The following CACNB2 variants were observed in gnomAD, a reference collection of about 807,000 sequenced individuals.
CACNB2 encodes voltage-dependent L-type calcium channel subunit beta-2.
In CACNB2, 42 loss-of-function variants were observed where a neutral mutation model predicts 73.3. That is an observed-to-expected ratio of 0.57 (90% CI 0.45 to 0.74). CACNB2 has a LOEUF of 0.74. CACNB2 is among the 30% of genes least tolerant of loss of function. The pLI is 0.00. For synonymous variants in CACNB2, 348 were observed against 310.3 expected (o/e 1.12, Z -1.28); for missense variants, 940 against 853.0 (o/e 1.10, Z -1.27).
At chr10:18,422,716 G>A (rs1482390967) in intron 3 of CACNB2, among the ~76,000 whole-genome samples, 1 of 152,012 alleles carries the variant, frequency 6.6e-6, no homozygotes, top group Non-Finnish European at 1.5e-5. Flanking sequence ...TTTTTAAGAT[G>A]GAGTTTCATT....
At chr10:18,531,246 A>G (rs2052995506) in intron 10 of CACNB2, among the ~76,000 whole-genome samples, 1 of 152,080 alleles carries the variant, frequency 6.6e-6, no homozygotes, top group Non-Finnish European at 1.5e-5. Context: ...AAATAAGTTA[A>G]CTTCTGTTTT....
chr10:18,391,700 A>T (rs543200618), intron 2 of CACNB2, among the ~76,000 whole-genome samples: 1 of 152,042 alleles, frequency 6.6e-6, no homozygotes, highest in Admixed American at 6.6e-5. Flanking sequence ...GCCGAGGCAC[A>T]TGGATCTCTT....
At chr10:18,528,828 A>C (rs1385604534) in intron 10 of CACNB2, among the ~76,000 whole-genome samples, 2 of 152,192 alleles carry the variant, frequency 1.3e-5, no homozygotes, top group Non-Finnish European at 2.9e-5. Context: ...TTTGATGCTC[A>C]CAAGAATTAC....
chr10:18,141,294 C>T lies in CACNB2; in HGVS notation c.120+438C>T, dbSNP rs557488231. On this transcript the variant is annotated intron_variant, in intron 1 of 13. Coordinates refer to ENST00000324631, the MANE Select transcript of CACNB2 (RefSeq NM_201596.3). ...CCGACTCTCCTGGCCACGCTCCGAG[C>T]CGGGGTGGGCGTGGGTGTGAGGATG... 455 of 1,249,162 alleles carry T rather than the reference C, an allele frequency of 3.6e-4. 1 individual carries two copies. In the African/African-American group the frequency reaches 6.5e-3, roughly 18 times the overall value. The allele number at this position is 1,249,162 out of a possible 1,614,324, so 77.4% of individuals were successfully genotyped here.
chr10:18,438,763 T>G (rs938132811), intron 3 of CACNB2, among the ~76,000 whole-genome samples: 1 of 152,252 alleles, frequency 6.6e-6, no homozygotes, highest in Non-Finnish European at 1.5e-5. Context: ...TCCCTGGGCC[T>G]TATGGAGTAT....
At chr10:18,447,519 C>A (rs893302514) in intron 3 of CACNB2, among the ~76,000 whole-genome samples, 1 of 152,144 alleles carries the variant, frequency 6.6e-6, no homozygotes, top group African/African-American at 2.4e-5. Context: ...AAGGAGAATT[C>A]GGATCTTGCA....
chr10:18,509,325 C>T (rs1244413748), intron 6 of CACNB2, among the ~76,000 whole-genome samples: 1 of 152,102 alleles, frequency 6.6e-6, no homozygotes, highest in Non-Finnish European at 1.5e-5. Flanking sequence ...TAAGTATCTG[C>T]CTAAAGTATA....
chr10:18,362,689 C>G (rs1253866442), intron 2 of CACNB2, among the ~76,000 whole-genome samples: 2 of 152,112 alleles, frequency 1.3e-5, no homozygotes, highest in African/African-American at 2.4e-5. Context: ...GCCTGTAATT[C>G]CAGCACTTCG....
intron 2 of CACNB2, among the ~76,000 whole-genome samples, chr10:18,359,314 C>T (rs1368280414): frequency 6.6e-6 from 1 of 152,152 alleles, no homozygotes; most frequent in Non-Finnish European, 1.5e-5. Context: ...TTCTGTCACC[C>T]AGGCTAGAGT....
chr10:18,462,727 T>A (rs955096069), intron 3 of CACNB2, among the ~76,000 whole-genome samples: 2 of 152,096 alleles, frequency 1.3e-5, no homozygotes, highest in African/African-American at 4.8e-5. Context: ...TTTAGTATTT[T>A]ATATTTTTTA....
At chr10:18,406,473 A>G (rs1464427444) in intron 3 of CACNB2, among the ~76,000 whole-genome samples, 1 of 152,178 alleles carries the variant, frequency 6.6e-6, no homozygotes, top group Non-Finnish European at 1.5e-5. Context: ...TGTCAGATCA[A>G]TGGCAGCATT....
At chr10:18,479,687 G>GTCTC (rs547148363) in intron 3 of CACNB2, among the ~76,000 whole-genome samples, 6 of 118,960 alleles carry the variant, frequency 5.0e-5, no homozygotes, top group East Asian at 5.7e-4. Context: ...AAGTGCGTGT[G>GTCTC]TCTCTCTCTC....
rs1400565132 is a variant in CACNB2 at position 18,514,609 on chromosome 10, C to A, written c.804+240C>A. 3 of 1,501,972 alleles carry A rather than the reference C, an allele frequency of 2.0e-6. No individual in the cohort carries two copies. The South Asian group carries it at 3.4e-5, about 17-fold the overall frequency. The allele number at this position is 1,501,972 out of a possible 1,614,324, so 93.0% of individuals were successfully genotyped here. ...TTAATTCCCACAGTTGTATTAAATA[C>A]AATCATTTCTGTCCCAAGCAAAGAA... On this transcript the variant is annotated intron_variant, in intron 7 of 13. Coordinates refer to ENST00000324631, the MANE Select transcript of CACNB2 (RefSeq NM_201596.3).
chr10:18,165,374 CAGAG>C (rs1376295706), intron 2 of CACNB2, among the ~76,000 whole-genome samples: 1 of 152,198 alleles, frequency 6.6e-6, no homozygotes. Flanking sequence ...GATGTCAAAA[CAGAG>C]AGAAACGATG....
Position 18,473,694 on chromosome 10 carries a change from G to A in CACNB2, c.334-24661G>A, listed in dbSNP as rs533457221. Among the ~76,000 whole-genome samples, 7 of 152,316 alleles carry A rather than the reference G, an allele frequency of 4.6e-5. No homozygotes were observed. In the East Asian group the frequency reaches 1.2e-3, roughly 25 times the overall value. ...CTTATCAGTCACCCGGAGAATTCACGTAACTTGCTTTAAATAGCCGAAGTG... is the reference window on the plus strand; with the variant it reads ...CTTATCAGTCACCCGGAGAATTCACATAACTTGCTTTAAATAGCCGAAGTG... On this transcript the variant is annotated intron_variant, in intron 3 of 13. Transcript: ENST00000324631.
intron 2 of CACNB2, among the ~76,000 whole-genome samples, chr10:18,348,348 C>T (rs2041556881): frequency 6.6e-6 from 1 of 152,130 alleles, no homozygotes; most frequent in Non-Finnish European, 1.5e-5. Context: ...TGTCAAATGT[C>T]TCTTTAAAAT....
At chr10:18,153,094 G>A (rs920502467) in intron 2 of CACNB2, among the ~76,000 whole-genome samples, 6 of 152,160 alleles carry the variant, frequency 3.9e-5, no homozygotes, top group Non-Finnish European at 5.9e-5. Flanking sequence ...AGTAATGTAT[G>A]TAGCTTTAAA....
chr10:18,503,710 G>T (rs79093865), intron 5 of CACNB2, among the ~76,000 whole-genome samples: 20,455 of 152,136 alleles, frequency 0.13, 1,570 homozygotes, highest in Middle Eastern at 0.2. Flanking sequence ...CCAGCTGGGG[G>T]TGTTTTGTTT....
intron 1 of CACNB2, chr10:18,141,298 G>C: frequency 8.4e-7 from 1 of 1,187,552 alleles, no homozygotes; most frequent in Non-Finnish European, 1.2e-6. Context: ...TCCGAGCCGG[G>C]GTGGGCGTGG....
Sources: allele counts gnomAD v4.1 joint callset (sites outside exome capture counted in the v4.1 genomes callset), GRCh38; gene constraint gnomAD v4.1.1; transcripts MANE v1.5; gene names NCBI Gene and HGNC (gene_info 2026-07-23, HGNC 2026-07-21).